The following STXBP5 variants were observed in gnomAD, a reference collection of about 807,000 sequenced individuals.
The protein encoded by STXBP5 is syntaxin-binding protein 5.
STXBP5 carries 50 observed loss-of-function variants against 152.4 expected under a neutral mutation model. The observed-to-expected ratio is 0.33, with a 90% CI of 0.26 to 0.42. The LOEUF (loss-of-function observed/expected upper bound fraction) is 0.42, where lower values mean the gene tolerates loss of function less well. STXBP5 is among the 10% of genes least tolerant of loss of function. The pLI is 1.00. For synonymous variants in STXBP5, 492 were observed against 494.7 expected, an observed-to-expected ratio of 0.99 and a Z score of 0.07; for missense variants, 1,167 against 1,388.6, an observed-to-expected ratio of 0.84 and a Z score of 2.54.
chr6:147,281,004 G>A (rs978583327), intron 8 of STXBP5, among the ~76,000 whole-genome samples: 1 of 152,014 alleles, frequency 6.6e-6, no homozygotes, highest in Non-Finnish European at 1.5e-5. Context: ...AAGTGTAATA[G>A]GGTTTCCAGC....
At position 147,292,301 on chromosome 6, in the gene STXBP5, A is replaced by G. The variant is rs984532654; in HGVS notation, c.917+1129A>G. 4 of 447,678 alleles carry G rather than the reference A, an allele frequency of 8.9e-6. No individual in the cohort carries two copies. The East Asian group carries it at 2.9e-4, about 32-fold the overall frequency. The allele number at this position is 447,678 out of a possible 1,614,324, so 27.7% of individuals were successfully genotyped here. ...TTCCAACAATAGCTATATTCCAACA[A>G]TAGATTAAATGAACTCTAAGAGGTG... On this transcript the variant is annotated intron_variant, in intron 9 of 27. Transcript: ENST00000321680.
intron 2 of STXBP5, among the ~76,000 whole-genome samples, chr6:147,225,136 C>G (rs1432695113): frequency 6.6e-6 from 1 of 152,098 alleles, no homozygotes; most frequent in Non-Finnish European, 1.5e-5. Flanking sequence ...AAATTGTGCT[C>G]TTGGGTTTAC....
At chr6:147,303,971 G>A (rs1781958530) in intron 9 of STXBP5, among the ~76,000 whole-genome samples, 1 of 152,128 alleles carries the variant, frequency 6.6e-6, no homozygotes, top group Non-Finnish European at 1.5e-5. Context: ...GTGTTCAAGG[G>A]GAAGCAGAGC....
intron 9 of STXBP5, among the ~76,000 whole-genome samples, chr6:147,299,498 A>G (rs1270307566): frequency 6.6e-6 from 1 of 152,026 alleles, no homozygotes; most frequent in South Asian, 2.1e-4. Flanking sequence ...TTCCAGACTC[A>G]TTATACGAAA....
chr6:147,219,786 T>C (rs538274677), intron 2 of STXBP5, among the ~76,000 whole-genome samples: 55 of 148,160 alleles, frequency 3.7e-4, no homozygotes, highest in Non-Finnish European at 7.3e-4. Context: ...TTCCTTAGCA[T>C]GGCTAGAAGC....
chr6:147,307,475 A>T (rs1297456489), intron 9 of STXBP5, among the ~76,000 whole-genome samples: 2 of 152,104 alleles, frequency 1.3e-5, no homozygotes, highest in Non-Finnish European at 2.9e-5. Flanking sequence ...GCTTACAAAA[A>T]CTTTAAATTT....
At chr6:147,289,065 C>A (rs1336842235) in intron 8 of STXBP5, among the ~76,000 whole-genome samples, 2 of 152,190 alleles carry the variant, frequency 1.3e-5, no homozygotes, top group African/African-American at 4.8e-5. Context: ...CTGCCCATGC[C>A]TGGGAAGTTG....
In STXBP5 at chr6:147,363,602, A is replaced by G. The variant is rs1261346981; in HGVS notation, c.2813A>G (p.Asn938Ser). Reference protein sequence around the residue: ...LPTQNCAYKQNITETSFVLRG... With the variant: ...LPTQNCAYKQSITETSFVLRG... Reference sequence around the variant, plus strand: ...ACCCAGAACTGTGCTTATAAGCAAAATATTACAGAGACCTCGTTTGTGCTT... The same window carrying G: ...ACCCAGAACTGTGCTTATAAGCAAAGTATTACAGAGACCTCGTTTGTGCTT... The change falls in exon 24 of 28, where the codon AAT (asparagine) becomes AGT (serine). Residue 938 changes from asparagine to serine, a missense_variant. Physicochemically the swap from Asn to Ser is conservative, Grantham distance 46. Transcript: ENST00000321680. 1 of 1,614,178 alleles carries G rather than the reference A, an allele frequency of 6.2e-7. No homozygotes were observed. Among genetic ancestry groups the G allele is most frequent in the South Asian group, 1.1e-5 (1 of 91,078 alleles).
At chr6:147,320,628 G>C (rs974188874) in intron 16 of STXBP5, among the ~76,000 whole-genome samples, 4 of 151,468 alleles carry the variant, frequency 2.6e-5, no homozygotes, top group Admixed American at 2.0e-4. Flanking sequence ...GGCAGCCATG[G>C]GGGGTGGTTT....
At chr6:147,353,215 G>A (rs1056487330) in intron 21 of STXBP5, 108 bp from the exon 22 acceptor site, 9 of 603,746 alleles carry the variant, frequency 1.5e-5, no homozygotes, top group African/African-American at 7.8e-5. Flanking sequence ...TATTTATCTC[G>A]GCATCTAGAT....
chr6:147,272,657 C>T (rs958032222), intron 7 of STXBP5, among the ~76,000 whole-genome samples: 19 of 152,072 alleles, frequency 1.2e-4, no homozygotes, highest in African/African-American at 4.1e-4. Context: ...ATGTTCTATT[C>T]AGTGGTATAT....
intron 19 of STXBP5, among the ~76,000 whole-genome samples, chr6:147,338,553 T>C (rs1783940637): frequency 6.6e-6 from 1 of 151,862 alleles, no homozygotes. Flanking sequence ...CTTAAAGAAA[T>C]GTTAGGTAAG....
intron 7 of STXBP5, among the ~76,000 whole-genome samples, chr6:147,268,862 CAAA>C (rs760360461): frequency 6.6e-6 from 1 of 152,056 alleles, no homozygotes; most frequent in East Asian, 1.9e-4. Flanking sequence ...AGAGGAGAAA[CAAA>C]GAAGGTAAAC....
Position 147,204,612 on chromosome 6 carries a change from A to G in STXBP5, c.80A>G (p.Gln27Arg). The G allele has an allele frequency of 1.2e-6, 2 of 1,611,132 alleles. No homozygotes were observed. The highest frequency in any genetic ancestry group is 1.7e-6 in the Non-Finnish European group (2 of 1,178,610). Residue 27 changes from glutamine to arginine, a missense_variant, in exon 1 of 28, where the codon CAG becomes CGG. Physicochemically the swap from Gln to Arg is conservative, Grantham distance 43. Around this residue, in one of 3 missense-constraint regions of STXBP5, gnomAD observed 310 missense variants for 346.1 expected, o/e 0.90. Transcript: ENST00000321680. The surrounding 1 kb of genome is among the most constrained non-coding windows in gnomAD (Gnocchi z 4.3). Reference protein sequence around the residue: ...SSSASQQQQQQHPPGNREPEI... With the variant: ...SSSASQQQQQRHPPGNREPEI... Reference sequence around the variant, plus strand: ...TCGGCGTCGCAGCAGCAACAGCAGCAGCATCCGCCTGGGAACCGGGAGCCG... The same window carrying G: ...TCGGCGTCGCAGCAGCAACAGCAGCGGCATCCGCCTGGGAACCGGGAGCCG...
chr6:147,309,432 G>A (rs893460323), intron 9 of STXBP5, among the ~76,000 whole-genome samples: 1 of 152,052 alleles, frequency 6.6e-6, no homozygotes, highest in African/African-American at 2.4e-5. Flanking sequence ...TTTTGAAAAT[G>A]AGTCTAGATA....
intron 8 of STXBP5, among the ~76,000 whole-genome samples, chr6:147,286,444 T>C (rs1015383757): frequency 1.4e-4 from 21 of 152,176 alleles, no homozygotes; most frequent in African/African-American, 4.8e-4. Context: ...GTTCAATAAA[T>C]TGAGCTGGCA....
chr6:147,326,553 CTA>C (rs943758385), intron 17 of STXBP5, among the ~76,000 whole-genome samples: 2 of 152,152 alleles, frequency 1.3e-5, no homozygotes, highest in Non-Finnish European at 2.9e-5. Flanking sequence ...ATATAGCTCT[CTA>C]TACATGTCAG....
intron 9 of STXBP5, among the ~76,000 whole-genome samples, chr6:147,304,806 T>C (rs1266736617): frequency 2.6e-5 from 4 of 152,162 alleles, no homozygotes; most frequent in Non-Finnish European, 5.9e-5. Flanking sequence ...GGATTAATGA[T>C]GGCCCTTTTG....
rs1254180472 is a variant in STXBP5, at chr6:147,339,395, G to C, written c.2254+11G>C. ...TAGCCAATGATATAGGTAGGAAATAGAAATTTCTATTTTGTTTCTAATCCT... is the reference window on the plus strand; with the variant it reads ...TAGCCAATGATATAGGTAGGAAATACAAATTTCTATTTTGTTTCTAATCCT... On this transcript the variant is annotated intron_variant, in intron 21 of 27. Transcript: ENST00000321680. 3 of 1,481,286 alleles carry C rather than the reference G, an allele frequency of 2.0e-6. No individual in the cohort carries two copies. The highest frequency in any genetic ancestry group is 2.7e-6 in the Non-Finnish European group (3 of 1,123,000). The allele number at this position is 1,481,286 out of a possible 1,614,324, so 91.8% of individuals were successfully genotyped here.
Sources: allele counts gnomAD v4.1 joint callset (sites outside exome capture counted in the v4.1 genomes callset), GRCh38; gene constraint gnomAD v4.1.1; regional missense constraint gnomAD v4.1.1; non-coding constraint Gnocchi (gnomAD v3.1); transcripts MANE v1.5; gene names NCBI Gene and HGNC (gene_info 2026-07-23, HGNC 2026-07-21).